Variants in COL11A1 observed in about 807,000 individuals in gnomAD.
COL11A1 encodes the protein collagen alpha-1(XI) chain.
Under a neutral mutation model 265.2 loss-of-function variants are expected in COL11A1, and 74 were observed. The observed-to-expected ratio is 0.28, with a 90% CI of 0.23 to 0.34. The LOEUF is 0.34. Among genes scored for constraint, COL11A1 ranks in the 10% least tolerant of loss-of-function variants. The pLI is 1.00. For missense variants in COL11A1, 2,165 were observed against 2,263.6 expected (o/e 0.96, Z 0.88); for synonymous variants, 816 against 727.6 (o/e 1.12, Z -1.96).
chr1:103,096,851 TAAC>T (rs1483226232), intron 1 of COL11A1, among the ~76,000 whole-genome samples: 2 of 152,028 alleles, frequency 1.3e-5, no homozygotes, highest in Non-Finnish European at 2.9e-5. Context: ...CTTTGGTTAA[TAAC>T]AAGAACAGTC....
chr1:103,085,526 G>T (rs1335457096), intron 1 of COL11A1, among the ~76,000 whole-genome samples: 2 of 100,598 alleles, frequency 2.0e-5, no homozygotes, highest in Non-Finnish European at 4.9e-5. Context: ...ACTGGGAACG[G>T]ACTTTTTTTT....
intron 30 of COL11A1, among the ~76,000 whole-genome samples, chr1:102,984,622 C>A (rs1663360736): frequency 1.3e-5 from 2 of 151,984 alleles, no homozygotes; most frequent in African/African-American, 4.8e-5. Context: ...ACAGTTATTT[C>A]ATTTACCCCA....
chr1:103,084,802 G>A (rs1291450357), intron 1 of COL11A1, among the ~76,000 whole-genome samples: 1 of 152,070 alleles, frequency 6.6e-6, no homozygotes, highest in African/African-American at 2.4e-5. Context: ...CTTCTACATT[G>A]AGCAAATCAA....
chr1:102,965,650 A>G, intron 37 of COL11A1, 110 bp from the exon 38 acceptor site: 4 of 794,994 alleles, frequency 5.0e-6, no homozygotes, highest in Middle Eastern at 2.4e-4. Context: ...CCTATTGACT[A>G]AAAATATTTA....
chr1:102,996,691 T>G (rs900093060), intron 26 of COL11A1, among the ~76,000 whole-genome samples: 1 of 151,956 alleles, frequency 6.6e-6, no homozygotes, highest in Non-Finnish European at 1.5e-5. Context: ...CTTTGATATT[T>G]TAATAGCCAT....
In COL11A1 at chr1:103,080,529, T is replaced by A. The variant is rs1438796407; in HGVS notation, c.275-1658A>T. On this transcript the variant is annotated intron_variant, in intron 2 of 66. Coordinates refer to ENST00000370096, the MANE Select transcript of COL11A1 (RefSeq NM_001854.4). ...ACAAGATGTCTGAATAAACATATCT[T>A]GAAGAAGACATACAAATGGCTAACG... Among the ~76,000 whole-genome samples the A allele has an allele frequency of 2.0e-5, 3 of 151,746 alleles. No individual in the cohort carries two copies. The East Asian group carries it at 5.8e-4, about 29-fold the overall frequency.
At chr1:103,037,568 G>A (rs1668475380) in intron 4 of COL11A1, among the ~76,000 whole-genome samples, 1 of 152,106 alleles carries the variant, frequency 6.6e-6, no homozygotes, top group East Asian at 1.9e-4. Flanking sequence ...GATGGATTAT[G>A]TGTTTGGACC....
chr1:103,013,048 A>T (rs1666255642), intron 13 of COL11A1, among the ~76,000 whole-genome samples: 1 of 152,146 alleles, frequency 6.6e-6, no homozygotes, highest in South Asian at 2.1e-4. Context: ...AATATTAGAA[A>T]TGTGAAATTA....
chr1:102,911,853 A>G (rs901030246), intron 54 of COL11A1, among the ~76,000 whole-genome samples: 1 of 152,188 alleles, frequency 6.6e-6, no homozygotes, highest in Non-Finnish European at 1.5e-5. Context: ...ATAGGAGTTA[A>G]TGTTCAGGAT....
intron 4 of COL11A1, among the ~76,000 whole-genome samples, chr1:103,051,327 G>T (rs1362061049): frequency 6.6e-6 from 1 of 152,146 alleles, no homozygotes; most frequent in Non-Finnish European, 1.5e-5. Context: ...CAGCCTCGCT[G>T]CCACCTTGCA....
intron 38 of COL11A1, among the ~76,000 whole-genome samples, chr1:102,963,497 C>T (rs144383325): frequency 7.2e-5 from 11 of 152,210 alleles, no homozygotes; most frequent in African/African-American, 2.4e-4. Context: ...GGATGGTGAT[C>T]AGTTGCTCTC....
chr1:103,008,597 A>G, intron 14 of COL11A1, 81 bp from the exon 15 acceptor site: 2 of 1,104,366 alleles, frequency 1.8e-6, no homozygotes, highest in Non-Finnish European at 2.8e-6. Flanking sequence ...ACCTGAAATA[A>G]TTAAACATTA....
At chr1:102,963,217 AG>A (rs1661088474) in intron 38 of COL11A1, among the ~76,000 whole-genome samples, 1 of 152,156 alleles carries the variant, frequency 6.6e-6, no homozygotes, top group South Asian at 2.1e-4. Context: ...GAACCCAAAA[AG>A]CCAGTGGTTC....
chr1:102,936,815 G>A (rs2101246118), intron 44 of COL11A1, among the ~76,000 whole-genome samples: 1 of 152,164 alleles, frequency 6.6e-6, no homozygotes. Flanking sequence ...TTGTGCAATT[G>A]ACCCTTAAGA....
intron 1 of COL11A1, among the ~76,000 whole-genome samples, chr1:103,098,212 G>T (rs370409165): frequency 4.4e-4 from 67 of 151,942 alleles, no homozygotes; most frequent in African/African-American, 1.4e-3. Context: ...TTTCTATATT[G>T]TAATTAGTTG....
chr1:102,915,795 T>G, intron 49 of COL11A1, 111 bp from the exon 50 acceptor site: 1 of 849,876 alleles, frequency 1.2e-6, no homozygotes, highest in Non-Finnish European at 1.8e-6. Context: ...TTTATATTAT[T>G]TAAAAGGCAT....
rs1194043670 is a variant in COL11A1, at chr1:102,915,688, T to C, written c.3763-4A>G. On this transcript the variant is annotated splice_region_variant and splice_polypyrimidine_tract_variant and intron_variant, in intron 49 of 66. Coordinates refer to ENST00000370096, the MANE Select transcript of COL11A1 (RefSeq NM_001854.4). ...TCCCTGCTTCTCCAGGTTCACCCTA[T>C]ATAGAGAAGATCAAATTAGTATTAG... 2 of 1,607,090 alleles carry C rather than the reference T, an allele frequency of 1.2e-6. No individual in the cohort carries two copies. Among genetic ancestry groups the C allele is most frequent in the Admixed American group, 3.3e-5 (2 of 59,926 alleles).
chr1:102,927,722 G>A (rs114660733), intron 46 of COL11A1, among the ~76,000 whole-genome samples: 252 of 152,116 alleles, frequency 1.7e-3, no homozygotes, highest in African/African-American at 5.8e-3. Flanking sequence ...CCAATTGTAA[G>A]ATATATTTGA....
intron 4 of COL11A1, among the ~76,000 whole-genome samples, chr1:103,070,350 C>A (rs1406868830): frequency 6.6e-6 from 1 of 151,090 alleles, no homozygotes; most frequent in Non-Finnish European, 1.5e-5. Flanking sequence ...AGTCTATAGA[C>A]CTCTAAAGAT....
Sources: gnomAD v4.1 joint callset for allele counts (sites outside exome capture counted in the v4.1 genomes callset) on GRCh38, gnomAD v4.1.1 for gene constraint, MANE v1.5 for transcripts, NCBI Gene and HGNC (gene_info 2026-07-23, HGNC 2026-07-21) for gene names.